Variants in FHIP1A observed in about 807,000 individuals in gnomAD.
FHIP1A encodes FHF complex subunit HOOK interacting protein 1A, also known as FHF complex subunit HOOK-interacting protein 1A.
A neutral mutation model predicts 88.6 loss-of-function variants in FHIP1A; 61 were observed. The observed-to-expected ratio is 0.69, with a 90% CI of 0.56 to 0.85. The LOEUF (loss-of-function observed/expected upper bound fraction) is 0.85, where lower values mean the gene tolerates loss of function less well. FHIP1A is among the 40% of genes least tolerant of loss of function. The probability of loss-of-function intolerance (pLI) is 0.00; values close to 1 mark genes in which losing one functional copy is unlikely to be tolerated. For synonymous variants in FHIP1A, 478 were observed against 496.0 expected (o/e 0.96, Z 0.48); for missense variants, 1,154 against 1,273.5 (o/e 0.91, Z 1.43).
intron 3 of FHIP1A, among the ~76,000 whole-genome samples, chr4:151,493,395 A>T (rs1730351818): frequency 6.6e-6 from 1 of 152,338 alleles, no homozygotes; most frequent in Non-Finnish European, 1.5e-5. Context: ...TCTATTAGAC[A>T]TTCAAAGAAG....
At chr4:151,442,013 T>C (rs954993227) in intron 1 of FHIP1A, among the ~76,000 whole-genome samples, 1 of 152,194 alleles carries the variant, frequency 6.6e-6, no homozygotes, top group Non-Finnish European at 1.5e-5. Context: ...TAATCTCAAG[T>C]TTTCATTGAA....
chr4:151,629,994 T>G (rs1736096630), intron 8 of FHIP1A, 125 bp downstream of exon 8: 5 of 853,844 alleles, frequency 5.9e-6, no homozygotes, highest in East Asian at 2.8e-5. Context: ...CTTTTTTGGT[T>G]GTTGTTGTTT....
chr4:151,579,244 G>A (rs1403013550), intron 5 of FHIP1A, among the ~76,000 whole-genome samples: 1 of 152,108 alleles, frequency 6.6e-6, no homozygotes, highest in Non-Finnish European at 1.5e-5. Context: ...TGTAAACTAT[G>A]GTTTCTGGGG....
At chr4:151,586,376 A>G (rs910220589) in intron 5 of FHIP1A, among the ~76,000 whole-genome samples, 3 of 152,202 alleles carry the variant, frequency 2.0e-5, no homozygotes, top group African/African-American at 7.2e-5. Context: ...TGCCTGGCAC[A>G]TGAGAGATGA....
chr4:151,586,574 G>A lies in FHIP1A; in HGVS notation c.733-67G>A, dbSNP rs1734221409. 3 of 1,328,130 alleles carry A rather than the reference G, an allele frequency of 2.3e-6. No individual in the cohort carries two copies. In the East Asian group the frequency reaches 7.6e-5, roughly 34 times the overall value. The allele number at this position is 1,328,130 out of a possible 1,614,324, so 82.3% of individuals were successfully genotyped here. The stretch of plus-strand genomic sequence containing the variant: ...GGGACCAGCAGCATTGGCATCACCT[G>A]TGAGCTGTTAATTGCAGGTTGAGAA... On this transcript the variant is annotated intron_variant, in intron 5 of 13. Coordinates refer to ENST00000435205, the MANE Select transcript of FHIP1A (RefSeq NM_001109977.3).
chr4:151,534,568 A>G (rs1184987368), intron 3 of FHIP1A: 1 of 152,236 alleles, frequency 6.6e-6, no homozygotes, highest in African/African-American at 2.4e-5. Context: ...TTTTTTGTTT[A>G]TCTTAGTGGG....
intron 7 of FHIP1A, among the ~76,000 whole-genome samples, chr4:151,605,330 G>A (rs960248997): frequency 3.3e-5 from 5 of 152,190 alleles, no homozygotes; most frequent in African/African-American, 4.8e-5. Flanking sequence ...GTGGATAGAG[G>A]TAGAGACATC....
chr4:151,571,209 C>T (rs1733590704), intron 4 of FHIP1A, among the ~76,000 whole-genome samples: 1 of 152,160 alleles, frequency 6.6e-6, no homozygotes. Context: ...GCTCTTAGAG[C>T]CAGGAGAACA....
chr4:151,647,764 G>A (rs988849895), intron 10 of FHIP1A, among the ~76,000 whole-genome samples: 9 of 152,032 alleles, frequency 5.9e-5, no homozygotes, highest in Admixed American at 2.0e-4. Flanking sequence ...AAAAATTGGC[G>A]TCTTTCTAAA....
At chr4:151,623,284 A>G (rs1735817985) in intron 7 of FHIP1A, among the ~76,000 whole-genome samples, 1 of 152,172 alleles carries the variant, frequency 6.6e-6, no homozygotes, top group African/African-American at 2.4e-5. Flanking sequence ...CCTCTTAACC[A>G]CAGCCTGTTC....
intron 3 of FHIP1A, among the ~76,000 whole-genome samples, chr4:151,505,661 G>C (rs762020713): frequency 1.3e-5 from 2 of 152,186 alleles, no homozygotes; most frequent in Non-Finnish European, 2.9e-5. Context: ...CTGCTGTTGA[G>C]TCTTTATCAA....
chr4:151,586,932 A>G, intron 6 of FHIP1A, 133 bp downstream of exon 6: 1 of 661,700 alleles, frequency 1.5e-6, no homozygotes, highest in Non-Finnish European at 2.3e-6. Context: ...CTTTAAGCCA[A>G]TTGAATGTCC....
At chr4:151,662,142 C>T (rs1737481694) in intron 13 of FHIP1A, among the ~76,000 whole-genome samples, 1 of 152,238 alleles carries the variant, frequency 6.6e-6, no homozygotes, top group East Asian at 1.9e-4. Flanking sequence ...GACTACTCAT[C>T]GCCCCTTAAT....
At chr4:151,635,117 A>T (rs773674916) in intron 8 of FHIP1A, among the ~76,000 whole-genome samples, 3 of 151,910 alleles carry the variant, frequency 2.0e-5, no homozygotes, top group African/African-American at 7.2e-5. Flanking sequence ...GAAGACTTAC[A>T]AAGGACCAAA....
At chr4:151,632,480 T>C (rs968696168) in intron 8 of FHIP1A, among the ~76,000 whole-genome samples, 7 of 151,930 alleles carry the variant, frequency 4.6e-5, no homozygotes, top group Admixed American at 1.3e-4. Context: ...TGTAAACCAA[T>C]TGGACCTGAC....
chr4:151,549,018 T>C (rs539288656), intron 3 of FHIP1A, among the ~76,000 whole-genome samples: 1 of 152,236 alleles, frequency 6.6e-6, no homozygotes, highest in East Asian at 1.9e-4. Context: ...GTTGTGTCAT[T>C]CCCCTATTGG....
At chr4:151,430,049 A>G (rs1733536821) in intron 1 of FHIP1A, among the ~76,000 whole-genome samples, 1 of 152,150 alleles carries the variant, frequency 6.6e-6, no homozygotes, top group Non-Finnish European at 1.5e-5. Flanking sequence ...GCATTTTTAT[A>G]ATAAGAAGTG....
chr4:151,464,457 G>A (rs1354254603), intron 2 of FHIP1A, among the ~76,000 whole-genome samples: 2 of 152,196 alleles, frequency 1.3e-5, no homozygotes, highest in Non-Finnish European at 2.9e-5. Flanking sequence ...AACCTTCAAG[G>A]TATCTGGGGG....
intron 1 of FHIP1A, among the ~76,000 whole-genome samples, chr4:151,434,585 G>A (rs999395812): frequency 6.6e-6 from 1 of 152,060 alleles, no homozygotes; most frequent in African/African-American, 2.4e-5. Context: ...TTCATTCCCA[G>A]GTGTATGAAT....
Sources: allele counts gnomAD v4.1 joint callset (sites outside exome capture counted in the v4.1 genomes callset), GRCh38; gene constraint gnomAD v4.1.1; transcripts MANE v1.5; gene names NCBI Gene and HGNC (gene_info 2026-07-23, HGNC 2026-07-21).